RALGAPA2: variants seen among roughly 807,000 people sequenced by gnomAD.
RALGAPA2 encodes the protein Ral GTPase activating protein catalytic subunit alpha 2.
A neutral mutation model predicts 230.4 loss-of-function variants in RALGAPA2; 139 were observed. The ratio of observed to expected loss-of-function variants is 0.60; its 90% CI spans 0.53 to 0.69. The LOEUF (loss-of-function observed/expected upper bound fraction) is 0.69, where lower values mean the gene tolerates loss of function less well. RALGAPA2 is among the 30% of genes least tolerant of loss of function. RALGAPA2 has a pLI of 0.00. For synonymous variants in RALGAPA2, 847 were observed against 837.8 expected (o/e 1.01, Z -0.19); for missense variants, 2,163 against 2,276.0 (o/e 0.95, Z 1.01).
chr20:20,504,733 C>CA (rs1174990002), intron 34 of RALGAPA2, among the ~76,000 whole-genome samples: 307 of 131,900 alleles, frequency 2.3e-3, no homozygotes, highest in African/African-American at 6.8e-3. Flanking sequence ...TAAGAAAAGA[C>CA]AAAAAAAAAA....
intron 7 of RALGAPA2, among the ~76,000 whole-genome samples, chr20:20,639,452 C>T (rs903562873): frequency 2.0e-5 from 3 of 152,170 alleles, no homozygotes; most frequent in Non-Finnish European, 4.4e-5. Context: ...CCCTTCAGAT[C>T]CCCTGGTCTG....
intron 39 of RALGAPA2, 57 bp downstream of exon 39, chr20:20,396,638 C>T: frequency 1.3e-6 from 2 of 1,506,488 alleles, no homozygotes; most frequent in Non-Finnish European, 1.8e-6. Context: ...TTAGAAAAGT[C>T]CCACCCCCTC....
At chr20:20,700,666 C>A (rs1463252635) in intron 1 of RALGAPA2, among the ~76,000 whole-genome samples, 2 of 152,296 alleles carry the variant, frequency 1.3e-5, no homozygotes, top group East Asian at 3.9e-4. Context: ...CCTCTTTCCC[C>A]CGAACCCCAT....
chr20:20,690,035 T>C (rs1395532505), intron 1 of RALGAPA2, among the ~76,000 whole-genome samples: 1 of 152,216 alleles, frequency 6.6e-6, no homozygotes, highest in Non-Finnish European at 1.5e-5. Flanking sequence ...AGGTTATTTA[T>C]AGAATTTCTG....
intron 2 of RALGAPA2, among the ~76,000 whole-genome samples, chr20:20,679,825 A>C (rs1224201619): frequency 1.3e-5 from 2 of 152,170 alleles, no homozygotes; most frequent in African/African-American, 4.8e-5. Flanking sequence ...ATTCTGTCTA[A>C]ATCTCTCTTA....
intron 31 of RALGAPA2, among the ~76,000 whole-genome samples, chr20:20,517,971 A>C (rs1261965839): frequency 6.6e-6 from 1 of 152,176 alleles, no homozygotes; most frequent in Non-Finnish European, 1.5e-5. Flanking sequence ...ACCAAGATGA[A>C]ATCTTTGAAA....
At chr20:20,700,656 CCT>C (rs1166092802) in intron 1 of RALGAPA2, among the ~76,000 whole-genome samples, 1 of 152,120 alleles carries the variant, frequency 6.6e-6, no homozygotes, top group Non-Finnish European at 1.5e-5. Flanking sequence ...CATTACTGCC[CCT>C]CTTTCCCCCG....
chr20:20,412,022 C>T lies in RALGAPA2; in HGVS notation c.5617+5G>A, dbSNP rs370203061. 4.3e-6 allele frequency: 7 copies of T among 1,613,816 alleles called. No individual in the cohort carries two copies. Among genetic ancestry groups the T allele is most frequent in the East Asian group, 4.5e-5 (2 of 44,898 alleles). ...GCGTGAGAGAAGAATAATGTAGACA[C>T]TCACCCGTTCCGCTGAGGGAGTAGC... On this transcript the variant is annotated splice_donor_5th_base_variant and intron_variant, in intron 38 of 39. Transcript: ENST00000202677.
chr20:20,408,992 A>G (rs1427090751), intron 38 of RALGAPA2, among the ~76,000 whole-genome samples: 1 of 152,228 alleles, frequency 6.6e-6, no homozygotes, highest in African/African-American at 2.4e-5. Context: ...CTCATTAGGA[A>G]AATAGATTTT....
intron 24 of RALGAPA2, among the ~76,000 whole-genome samples, chr20:20,544,250 T>C (rs865790525): frequency 6.0e-4 from 91 of 150,930 alleles, no homozygotes; most frequent in African/African-American, 2.1e-3. Context: ...TGAAACTCCA[T>C]CTCTACTAAA....
chr20:20,421,851 T>C (rs1201478931), intron 37 of RALGAPA2, among the ~76,000 whole-genome samples: 2 of 152,226 alleles, frequency 1.3e-5, no homozygotes, highest in African/African-American at 4.8e-5. Flanking sequence ...AGGAGCATTA[T>C]TATTTACAGC....
intron 24 of RALGAPA2, among the ~76,000 whole-genome samples, chr20:20,543,923 TG>T (rs2145688168): frequency 6.6e-6 from 1 of 150,520 alleles, no homozygotes; most frequent in East Asian, 1.9e-4. Flanking sequence ...AAAATAAAAC[TG>T]TATATGGTAA....
At chr20:20,496,839 C>G (rs2062219439) in intron 35 of RALGAPA2, among the ~76,000 whole-genome samples, 2 of 152,176 alleles carry the variant, frequency 1.3e-5, no homozygotes, top group South Asian at 4.1e-4. Context: ...ATTCTTCACT[C>G]TCTCATACTT....
At chr20:20,678,912 G>C (rs1209235422) in intron 2 of RALGAPA2, among the ~76,000 whole-genome samples, 1 of 151,948 alleles carries the variant, frequency 6.6e-6, no homozygotes, top group Non-Finnish European at 1.5e-5. Flanking sequence ...GCACCAATAG[G>C]CTGACTCTAC....
intron 21 of RALGAPA2, among the ~76,000 whole-genome samples, chr20:20,572,378 G>A (rs2064672010): frequency 6.6e-6 from 1 of 151,496 alleles, no homozygotes; most frequent in Non-Finnish European, 1.5e-5. Context: ...GGAGGCAGAG[G>A]GTTGCAGTGA....
chr20:20,401,615 T>C (rs2059840991), intron 38 of RALGAPA2, among the ~76,000 whole-genome samples: 1 of 152,174 alleles, frequency 6.6e-6, no homozygotes, highest in Admixed American at 6.5e-5. Flanking sequence ...GGACTATTTT[T>C]TAAAAGTTTC....
chr20:20,428,957 C>A (rs1029784190), intron 37 of RALGAPA2, among the ~76,000 whole-genome samples: 1 of 151,894 alleles, frequency 6.6e-6, no homozygotes, highest in African/African-American at 2.4e-5. Context: ...ATTCTAAAAC[C>A]CATCATAGTG....
chr20:20,693,972 C>T (rs1361738979), intron 1 of RALGAPA2, among the ~76,000 whole-genome samples: 4 of 151,958 alleles, frequency 2.6e-5, no homozygotes, highest in African/African-American at 7.3e-5. Context: ...GACATGGTGG[C>T]GTGTGCCTGT....
At chr20:20,631,584 C>G (rs1424418745) in intron 9 of RALGAPA2, among the ~76,000 whole-genome samples, 1 of 152,172 alleles carries the variant, frequency 6.6e-6, no homozygotes, top group African/African-American at 2.4e-5. Flanking sequence ...CTTCTAGAAG[C>G]TGGACATGGC....
Sources: gnomAD v4.1 joint callset for allele counts (sites outside exome capture counted in the v4.1 genomes callset) on GRCh38, gnomAD v4.1.1 for gene constraint, MANE v1.5 for transcripts, NCBI Gene and HGNC (gene_info 2026-07-23, HGNC 2026-07-21) for gene names.